SEC14L1: variants seen among roughly 807,000 people sequenced by gnomAD.
SEC14L1 encodes SEC14-like protein 1.
SEC14L1 carries 48 observed loss-of-function variants against 85.3 expected under a neutral mutation model. The ratio of observed to expected loss-of-function variants is 0.56; its 90% CI spans 0.45 to 0.72. The LOEUF (loss-of-function observed/expected upper bound fraction) is 0.72. SEC14L1 is among the 30% of genes least tolerant of loss of function. The pLI, the probability that SEC14L1 is intolerant of heterozygous loss-of-function variation, is 0.00. For synonymous variants in SEC14L1, 391 were observed against 355.5 expected, an observed-to-expected ratio of 1.10 and a Z score of -1.12; for missense variants, 682 against 921.4, an observed-to-expected ratio of 0.74 and a Z score of 3.36.
At chr17:77,102,589 C>T (rs1971802929) in intron 3 of SEC14L1, among the ~76,000 whole-genome samples, 1 of 151,614 alleles carries the variant, frequency 6.6e-6, no homozygotes, top group East Asian at 1.9e-4. Context: ...CTGCAACCTC[C>T]CCCTCCCAGG....
At chr17:77,181,307 G>A (rs944408271) in intron 3 of SEC14L1, among the ~76,000 whole-genome samples, 2 of 152,132 alleles carry the variant, frequency 1.3e-5, no homozygotes, top group Non-Finnish European at 2.9e-5. Context: ...ACCTGAAGTG[G>A]TTTCCCCCTG....
At chr17:77,112,668 G>C (rs1163159272) in intron 3 of SEC14L1, among the ~76,000 whole-genome samples, 2 of 148,292 alleles carry the variant, frequency 1.3e-5, no homozygotes, top group African/African-American at 5.0e-5. Context: ...GGTGGATCAC[G>C]AGGTCAGGAG....
chr17:77,108,278 C>T (rs1276498949), intron 3 of SEC14L1, among the ~76,000 whole-genome samples: 2 of 152,162 alleles, frequency 1.3e-5, no homozygotes, highest in Non-Finnish European at 2.9e-5. Context: ...CTGCATTAAA[C>T]GTGGTCGTCA....
chr17:77,103,328 G>A (rs541366789), intron 3 of SEC14L1, among the ~76,000 whole-genome samples: 1 of 151,890 alleles, frequency 6.6e-6, no homozygotes. Context: ...GGCCAAGCTG[G>A]TCTAGAACTC....
At chr17:77,136,368 T>G (rs551829879), upstream of SEC14L1, among the ~76,000 whole-genome samples, 1 of 151,916 alleles carries the variant, frequency 6.6e-6, no homozygotes, top group South Asian at 2.1e-4. Flanking sequence ...TTTTCTTTCT[T>G]TCTCTTTCCT....
chr17:77,163,978 C>T (rs958192958), intron 3 of SEC14L1, among the ~76,000 whole-genome samples: 4 of 152,204 alleles, frequency 2.6e-5, no homozygotes, highest in African/African-American at 7.2e-5. Flanking sequence ...GCCACTGAAC[C>T]GCAATTTGCA....
intron 3 of SEC14L1, chr17:77,145,109 GTGTGTGTGTGTGTGTGTGTGTGTGTGTA>G (rs1973235013): frequency 6.9e-6 from 1 of 145,496 alleles, no homozygotes; most frequent in Admixed American, 7.0e-5. Context: ...ATGTGTGTGT[GTGTGTGTGTGTGTGTGTGTGTGTGTGTA>G]TATATACACA....
chr17:77,116,631 A>G (rs1972177485), intron 3 of SEC14L1, among the ~76,000 whole-genome samples: 1 of 152,142 alleles, frequency 6.6e-6, no homozygotes, highest in Admixed American at 6.6e-5. Context: ...AAAGGCTCAT[A>G]TTTTTCATCA....
At chr17:77,106,416 C>A (rs1971916497) in intron 3 of SEC14L1, among the ~76,000 whole-genome samples, 1 of 151,984 alleles carries the variant, frequency 6.6e-6, no homozygotes, top group African/African-American at 2.4e-5. Flanking sequence ...CCTGAAGTCC[C>A]AGCTACTCGG....
At position 77,213,866 on chromosome 17, in the gene SEC14L1, G is replaced by A. The variant is rs369656485; in HGVS notation, c.2043-52G>A. The A allele has an allele frequency of 3.7e-6, 6 of 1,603,848 alleles. No individual in the cohort carries two copies. Among genetic ancestry groups the A allele is most frequent in the South Asian group, 2.2e-5 (2 of 90,462 alleles). On this transcript the variant is annotated intron_variant, in intron 16 of 16. Transcript: ENST00000436233. This position sits in a 1 kb window ranked among gnomAD's most constrained non-coding sequence, Gnocchi z 7.1. ...AGTCCAGCAGGCAGTGTGGGCCGGC[G>A]GGTGGTTGGCAGGGTGGTCCTCACG... is the stretch of plus-strand genomic sequence containing the variant.
At chr17:77,119,032 G>A (rs976768245) in intron 3 of SEC14L1, among the ~76,000 whole-genome samples, 3 of 152,118 alleles carry the variant, frequency 2.0e-5, no homozygotes, top group East Asian at 1.9e-4. Context: ...TGTACAGGCC[G>A]GGTACAGTGG....
intron 3 of SEC14L1, among the ~76,000 whole-genome samples, chr17:77,149,682 G>C (rs1973469922): frequency 6.6e-6 from 1 of 152,118 alleles, no homozygotes; most frequent in Non-Finnish European, 1.5e-5. Context: ...CTGGGTTACA[G>C]AGCAAGACCC....
At position 77,107,381 on chromosome 17, in the gene SEC14L1, T is replaced by C. The variant is rs573733130; in HGVS notation, c.-136+14034T>C. Among the ~76,000 whole-genome samples the C allele has an allele frequency of 5.3e-5, 8 of 152,250 alleles. 1 individual carries two copies. The South Asian group carries it at 1.5e-3, about 28-fold the overall frequency. ...CCAAGGTCACACAGCTATTGAGCGC[T>C]GGGTAGGAACGAAAAGAAAGAGTCT... On this transcript the variant is annotated intron_variant, in intron 3 of 19. Coordinates refer to the SEC14L1 transcript ENST00000392476.
At chr17:77,163,024 G>A (rs1016653895) in intron 3 of SEC14L1, among the ~76,000 whole-genome samples, 18 of 152,220 alleles carry the variant, frequency 1.2e-4, no homozygotes, top group Non-Finnish European at 2.4e-4. Context: ...GGGGAGTTCG[G>A]TATGCCATCG....
intron 8 of SEC14L1, among the ~76,000 whole-genome samples, chr17:77,199,855 C>T (rs1487652941): frequency 6.6e-6 from 1 of 152,196 alleles, no homozygotes; most frequent in Non-Finnish European, 1.5e-5. Context: ...TATAATAGTG[C>T]AGCTCACTGT....
chr17:77,178,229 A>G (rs1197806564), intron 3 of SEC14L1, among the ~76,000 whole-genome samples: 2 of 151,544 alleles, frequency 1.3e-5, no homozygotes, highest in Non-Finnish European at 2.9e-5. Context: ...GGTTCATAGC[A>G]CTCCCATCCC....
chr17:77,176,735 T>C (rs1249591734), intron 3 of SEC14L1, among the ~76,000 whole-genome samples: 1 of 152,134 alleles, frequency 6.6e-6, no homozygotes, highest in African/African-American at 2.4e-5. Context: ...TACAGGTGCC[T>C]ACCACCATGC....
chr17:77,158,566 A>G (rs1307731854), intron 3 of SEC14L1, among the ~76,000 whole-genome samples: 2 of 152,042 alleles, frequency 1.3e-5, no homozygotes, highest in Non-Finnish European at 2.9e-5. Flanking sequence ...CACTTAGCCT[A>G]ATGTCTTCAA....
chr17:77,146,598 C>G (rs1598296869), intron 3 of SEC14L1, among the ~76,000 whole-genome samples: 2 of 151,612 alleles, frequency 1.3e-5, no homozygotes, highest in Admixed American at 1.3e-4. Context: ...TTCTTTCTTT[C>G]TTCTCCTTTT....
Sources: gnomAD v4.1 joint callset for allele counts (sites outside exome capture counted in the v4.1 genomes callset) on GRCh38, gnomAD v4.1.1 for gene constraint, Gnocchi (gnomAD v3.1) non-coding constraint, MANE v1.5 for transcripts, NCBI Gene and HGNC (gene_info 2026-07-23, HGNC 2026-07-21) for gene names.